CADM2: variants seen among roughly 807,000 people sequenced by gnomAD.
CADM2 encodes immunoglobulin superfamily member 4D.
CADM2 carries 12 observed loss-of-function variants against 49.8 expected under a neutral mutation model. That is an observed-to-expected ratio of 0.24 (90% CI 0.15 to 0.39). CADM2 has a LOEUF of 0.39. CADM2 is among the 10% of genes least tolerant of loss of function. The pLI, the probability that CADM2 is intolerant of heterozygous loss-of-function variation, is 1.00. For synonymous variants in CADM2, 214 were observed against 175.4 expected, an observed-to-expected ratio of 1.22 and a Z score of -1.74; for missense variants, 378 against 492.3, an observed-to-expected ratio of 0.77 and a Z score of 2.20.
chr3:85,535,418 A>G (rs562029476), intron 1 of CADM2, among the ~76,000 whole-genome samples: 2 of 152,310 alleles, frequency 1.3e-5, no homozygotes, highest in Non-Finnish European at 2.9e-5. Flanking sequence ...TCCATCTAAA[A>G]TAAACATCTG....
intron 3 of CADM2, among the ~76,000 whole-genome samples, chr3:85,870,216 G>T (rs938568041): frequency 2.0e-5 from 3 of 151,648 alleles, no homozygotes; most frequent in Admixed American, 2.0e-4. Flanking sequence ...GCTTGTTTGG[G>T]CTAACTAACT....
At chr3:84,978,101 A>G (rs1379924669) in intron 1 of CADM2, among the ~76,000 whole-genome samples, 2 of 152,180 alleles carry the variant, frequency 1.3e-5, no homozygotes, top group Non-Finnish European at 2.9e-5. Context: ...TCATCTAAAC[A>G]TTAAGAAATT....
intron 5 of CADM2, among the ~76,000 whole-genome samples, chr3:85,896,157 G>A (rs1715188801): frequency 6.6e-6 from 1 of 152,000 alleles, no homozygotes; most frequent in Admixed American, 6.6e-5. Flanking sequence ...TGGGTGTGGT[G>A]GCACATTAGT....
intron 1 of CADM2, among the ~76,000 whole-genome samples, chr3:85,694,732 G>A (rs1020730076): frequency 5.3e-5 from 8 of 152,098 alleles, no homozygotes; most frequent in Non-Finnish European, 8.8e-5. Flanking sequence ...GATTAGGGGC[G>A]TGGATTGTGT....
intron 1 of CADM2, among the ~76,000 whole-genome samples, chr3:85,196,841 AGTG>A (rs2041355945): frequency 6.6e-6 from 1 of 152,012 alleles, no homozygotes. Flanking sequence ...TTTCCTGCTA[AGTG>A]GTGACCATAA....
At chr3:85,284,641 G>A (rs573433828) in intron 1 of CADM2, among the ~76,000 whole-genome samples, 7 of 152,256 alleles carry the variant, frequency 4.6e-5, no homozygotes, top group Non-Finnish European at 8.8e-5. Flanking sequence ...AATAACTTGA[G>A]ACAGGATTCT....
chr3:85,450,193 A>G (rs1281770091), intron 1 of CADM2, among the ~76,000 whole-genome samples: 3 of 152,196 alleles, frequency 2.0e-5, no homozygotes, highest in African/African-American at 7.2e-5. Context: ...TTTAAGGAAC[A>G]TGGTAAAAGA....
chr3:85,157,112 T>C (rs1031692645), intron 1 of CADM2, among the ~76,000 whole-genome samples: 5 of 151,974 alleles, frequency 3.3e-5, no homozygotes, highest in East Asian at 1.9e-4. Flanking sequence ...GAATAAAATA[T>C]CTAGGAATCC....
At chr3:85,278,264 A>G (rs1223101820) in intron 1 of CADM2, among the ~76,000 whole-genome samples, 2 of 151,394 alleles carry the variant, frequency 1.3e-5, no homozygotes, top group East Asian at 3.9e-4. Context: ...CCCAATAAAT[A>G]TGATCTCACA....
At chr3:85,814,815 A>G (rs1577378901) in intron 3 of CADM2, among the ~76,000 whole-genome samples, 1 of 151,924 alleles carries the variant, frequency 6.6e-6, no homozygotes, top group Non-Finnish European at 1.5e-5. Context: ...ATAGTGTTCT[A>G]TAGAATATAG....
intron 1 of CADM2, among the ~76,000 whole-genome samples, chr3:85,547,191 G>A (rs1474065054): frequency 6.6e-6 from 1 of 151,920 alleles, no homozygotes; most frequent in Non-Finnish European, 1.5e-5. Flanking sequence ...TTTTCAGGCT[G>A]GTGATAGCAG....
At chr3:85,744,504 C>CA (rs969872533) in intron 2 of CADM2, among the ~76,000 whole-genome samples, 1 of 150,404 alleles carries the variant, frequency 6.6e-6, no homozygotes, top group African/African-American at 2.4e-5. Context: ...CATGTACCCA[C>CA]AAAAAATAAA....
chr3:85,068,096 T>G (rs1204183852), intron 1 of CADM2, among the ~76,000 whole-genome samples: 1 of 152,178 alleles, frequency 6.6e-6, no homozygotes, highest in African/African-American at 2.4e-5. Flanking sequence ...AGACACTATT[T>G]TTAACGCAGA....
At chr3:85,074,669 T>C (rs2036875343) in intron 1 of CADM2, among the ~76,000 whole-genome samples, 1 of 152,090 alleles carries the variant, frequency 6.6e-6, no homozygotes, top group African/African-American at 2.4e-5. Flanking sequence ...AAAATGGGCC[T>C]TATAGAAGAG....
intron 1 of CADM2, among the ~76,000 whole-genome samples, chr3:85,229,297 G>T (rs2042230904): frequency 6.6e-6 from 1 of 152,194 alleles, no homozygotes; most frequent in Non-Finnish European, 1.5e-5. Context: ...CTCCTGGTAT[G>T]CTGGTTGCGA....
At chr3:86,012,697 A>C in intron 8 of CADM2, 2 of 1,174,028 alleles carry the variant, frequency 1.7e-6, no homozygotes, top group Non-Finnish European at 2.5e-6. Context: ...TAGAAGATAA[A>C]ACACCTGATC....
At position 85,763,255 on chromosome 3, in the gene CADM2, A is replaced by G. The variant is rs7628159; in HGVS notation, c.88+36707A>G. 2.5e-3 allele frequency among the ~76,000 whole-genome samples: 374 copies of G among 152,294 alleles called. 1 individual carries two copies. Among genetic ancestry groups the G allele is most frequent in the African/African-American group, 8.7e-3 (363 of 41,572 alleles). On this transcript the variant is annotated intron_variant, in intron 2 of 9. Transcript: ENST00000383699. ...AAACTACTGGGCAGGAAGGGATTCC[A>G]ACTATGATTATTTGGTATCCCATGC...
chr3:85,734,570 T>A (rs2068056242), intron 2 of CADM2, among the ~76,000 whole-genome samples: 1 of 149,548 alleles, frequency 6.7e-6, no homozygotes, highest in South Asian at 2.1e-4. Flanking sequence ...TATATATAAT[T>A]TGACACATAT....
intron 1 of CADM2, among the ~76,000 whole-genome samples, chr3:85,236,058 G>A (rs888436618): frequency 1.3e-5 from 2 of 151,874 alleles, no homozygotes; most frequent in South Asian, 2.1e-4. Flanking sequence ...CTGTTATGCC[G>A]CCTCACAATT....
Sources: gnomAD v4.1 joint callset for allele counts (sites outside exome capture counted in the v4.1 genomes callset) on GRCh38, gnomAD v4.1.1 for gene constraint, MANE v1.5 for transcripts, NCBI Gene and HGNC (gene_info 2026-07-23, HGNC 2026-07-21) for gene names.